Variants in SLC35A5 observed in about 807,000 individuals in gnomAD.
SLC35A5 encodes the protein solute carrier family 35 member A5, also known as UDP-sugar transporter protein SLC35A5.
SLC35A5 carries 28 observed loss-of-function variants against 36.3 expected under a neutral mutation model. That is an observed-to-expected ratio of 0.77 (90% CI 0.57 to 1.06). The LOEUF is 1.06. Among genes scored for constraint, SLC35A5 ranks in the 50% least tolerant of loss-of-function variants. The pLI is 0.00. For missense variants in SLC35A5, 521 were observed against 499.3 expected (o/e 1.04, Z -0.41); for synonymous variants, 180 against 173.7 (o/e 1.04, Z -0.29).
intron 2 of SLC35A5, among the ~76,000 whole-genome samples, chr3:112,565,633 C>G (rs1210558810): frequency 6.6e-6 from 1 of 152,146 alleles, no homozygotes; most frequent in Non-Finnish European, 1.5e-5. Context: ...AAAAAATTAG[C>G]TGGGTTTGTT....
chr3:112,580,263 A>C (rs1310861738), intron 5 of SLC35A5, among the ~76,000 whole-genome samples: 1 of 152,180 alleles, frequency 6.6e-6, no homozygotes, highest in Non-Finnish European at 1.5e-5. Flanking sequence ...ATACCTCTAG[A>C]GGTAGAAAGG....
In SLC35A5 at chr3:112,584,968, A is replaced by T. The variant is rs1291333254; in HGVS notation, c.*2232A>T. ...AATCAAATACCACATGTTCTCACTT[A>T]TAAGTGGGAGCTAAACAGTGGGTAC... On this transcript the variant is annotated 3_prime_UTR_variant, in exon 7 of 7. Transcript: ENST00000492406. 6.6e-6 allele frequency: 1 copy of T among 152,210 alleles called. No individual in the cohort carries two copies. The highest frequency in any genetic ancestry group is 1.5e-5 in the Non-Finnish European group (1 of 68,044). The allele number at this position is 152,210 out of a possible 1,614,324, so 9.4% of individuals were successfully genotyped here.
intron 5 of SLC35A5, among the ~76,000 whole-genome samples, chr3:112,579,039 A>G (rs1170079413): frequency 9.9e-5 from 15 of 152,212 alleles, no homozygotes; most frequent in Admixed American, 9.2e-4. Context: ...AATTACATAC[A>G]TATGAGAAAG....
chr3:112,571,442 A>C (rs541686827), intron 4 of SLC35A5, among the ~76,000 whole-genome samples: 1 of 152,306 alleles, frequency 6.6e-6, no homozygotes, highest in Non-Finnish European at 1.5e-5. Context: ...TTTGATTATA[A>C]ATAGGATTTC....
rs1189709332 is a variant in SLC35A5, at chr3:112,563,440, T to C, written c.37T>C (p.Ser13Pro). The change falls in exon 2 of 7, where the codon TCC becomes CCC. Residue 13 changes from serine to proline, a missense_variant. By Grantham distance (74) the Ser-to-Pro change is moderately conservative. Coordinates refer to ENST00000492406, the MANE Select transcript of SLC35A5 (RefSeq NM_017945.5). ...GTGCTGTAGTCATCCTGTAATATGCTCCTTGTCAACAATGTATACATTCCT... is the reference window on the plus strand; with the variant it reads ...GTGCTGTAGTCATCCTGTAATATGCCCCTTGTCAACAATGTATACATTCCT... ...KQCCSHPVIC[S>P]LSTMYTFLLG... 1 of 1,592,266 alleles carries C rather than the reference T, an allele frequency of 6.3e-7. No homozygotes were observed. The highest frequency in any genetic ancestry group is 8.6e-7 in the Non-Finnish European group (1 of 1,163,252).
chr3:112,578,864 A>C (rs1934774180), intron 5 of SLC35A5, among the ~76,000 whole-genome samples: 1 of 152,074 alleles, frequency 6.6e-6, no homozygotes, highest in African/African-American at 2.4e-5. Context: ...TTTTTTGTAA[A>C]ATGGACACCC....
chr3:112,575,028 G>A (rs1490207883), intron 5 of SLC35A5, among the ~76,000 whole-genome samples: 2 of 152,044 alleles, frequency 1.3e-5, no homozygotes, highest in Non-Finnish European at 2.9e-5. Flanking sequence ...AAAACATTTT[G>A]AAGTCTTTGA....
chr3:112,568,179 A>C (rs557313850), intron 2 of SLC35A5, among the ~76,000 whole-genome samples: 1 of 152,188 alleles, frequency 6.6e-6, no homozygotes, highest in South Asian at 2.1e-4. Context: ...GTGCTATAAG[A>C]ACAGAGATGA....
Position 112,563,413 on chromosome 3 carries a change from C to G in SLC35A5, c.10C>G (p.Gln4Glu). 1 of 1,518,920 alleles carries G rather than the reference C, an allele frequency of 6.6e-7. No homozygotes were observed. Among genetic ancestry groups the G allele is most frequent in the Non-Finnish European group, 8.9e-7 (1 of 1,117,908 alleles). 94.1% of individuals were successfully genotyped at this position (1,518,920 alleles called of 1,614,324 possible). ...ATTAAAAAACAGTGGAATGGAAAAA[C>G]AGTGCTGTAGTCATCCTGTAATATG... MEK[Q>E]CCSHPVICSL... is the part of the protein sequence containing the mutation. The change falls in exon 2 of 7, where the codon CAG (glutamine) becomes GAG (glutamate). Residue 4 changes from glutamine to glutamate, a missense_variant. Transcript: ENST00000492406.
Position 112,563,517 on chromosome 3 carries a change from G to T in SLC35A5, c.114G>T (p.Lys38Asn). The change falls in exon 2 of 7, where the codon AAG (lysine) becomes AAT (asparagine). Residue 38 changes from lysine (K) to asparagine (N), a missense_variant. Transcript: ENST00000492406. ...ALSSSRILLV[K>N]YSANEENKYD... ...GCTCAAGTCGCATCTTACTAGTGAA[G>T]TATTCTGCCAATGAAGGTAAGTTAA... 1 of 1,603,044 alleles carries T rather than the reference G, an allele frequency of 6.2e-7. No homozygotes were observed. Among genetic ancestry groups the T allele is most frequent in the Non-Finnish European group, 8.5e-7 (1 of 1,171,700 alleles).
intron 4 of SLC35A5, among the ~76,000 whole-genome samples, chr3:112,572,226 G>A (rs1187849497): frequency 6.6e-6 from 1 of 151,672 alleles, no homozygotes; most frequent in East Asian, 1.9e-4. Context: ...ACAGGCGTGA[G>A]CCACCGTGCC....
At position 112,582,944 on chromosome 3, in the gene SLC35A5, A is replaced by G. The variant is rs1031028907; in HGVS notation, c.*208A>G. ...CTAAAGAACTGATACAGGAGTAACA[A>G]TATGAAGAATTCATTAATATCTCAG... On this transcript the variant is annotated 3_prime_UTR_variant, in exon 7 of 7. Coordinates refer to ENST00000492406, the MANE Select transcript of SLC35A5 (RefSeq NM_017945.5). 3.9e-6 allele frequency: 2 copies of G among 509,238 alleles called. No homozygotes were observed. The highest frequency in any genetic ancestry group is 3.0e-5 in the East Asian group (1 of 33,100). The allele number at this position is 509,238 out of a possible 1,614,324, so 31.5% of individuals were successfully genotyped here.
At chr3:112,573,650 T>A (rs1043821402) in intron 4 of SLC35A5, among the ~76,000 whole-genome samples, 5 of 152,236 alleles carry the variant, frequency 3.3e-5, no homozygotes, top group Non-Finnish European at 7.3e-5. Flanking sequence ...TATAAGTAAT[T>A]TCAGATCTGT....
intron 3 of SLC35A5, 31 bp from the exon 4 acceptor site, chr3:112,570,509 C>T: frequency 1.9e-6 from 3 of 1,585,120 alleles, no homozygotes; most frequent in Non-Finnish European, 2.6e-6. Flanking sequence ...GCATTCTCAT[C>T]AAGGTCATTT....
chr3:112,571,340 A>G (rs765396928), intron 4 of SLC35A5, among the ~76,000 whole-genome samples: 4 of 152,206 alleles, frequency 2.6e-5, no homozygotes, highest in Non-Finnish European at 4.4e-5. Flanking sequence ...GGTCACATGT[A>G]TATTTCCCTT....
chr3:112,578,673 G>A (rs3773706), intron 5 of SLC35A5, among the ~76,000 whole-genome samples: 10,181 of 151,928 alleles, frequency 0.067, 425 homozygotes, highest in Admixed American at 0.12. Flanking sequence ...TAAATTTTAC[G>A]TTCCTTAGAG....
chr3:112,582,702 C>G lies in SLC35A5; in HGVS notation c.1241C>G (p.Pro414Arg), dbSNP rs770724842. The change falls in exon 7 of 7, where the codon CCC becomes CGC. Residue 414 changes from proline (P) to arginine (R), a missense_variant. Coordinates refer to ENST00000492406, the MANE Select transcript of SLC35A5 (RefSeq NM_017945.5). ...DGEELERLTK[P>R]KSDESDEDTF ...GAAGAACTAGAAAGACTTACCAAACCCAAGAGTGATGAGTCAGATGAAGAT... is the reference window on the plus strand; with the variant it reads ...GAAGAACTAGAAAGACTTACCAAACGCAAGAGTGATGAGTCAGATGAAGAT... The G allele has an allele frequency of 6.2e-7, 1 of 1,612,452 alleles. No homozygotes were observed. The highest frequency in any genetic ancestry group is 1.1e-5 in the South Asian group (1 of 90,938).
chr3:112,579,937 A>G (rs1934829250), intron 5 of SLC35A5, among the ~76,000 whole-genome samples: 1 of 152,208 alleles, frequency 6.6e-6, no homozygotes, highest in African/African-American at 2.4e-5. Context: ...TAAACAAAGG[A>G]TTGTTAGGAC....
In SLC35A5 at chr3:112,580,692, G is replaced by T. The variant is rs1371833928; in HGVS notation, c.575G>T (p.Cys192Phe). ...HDAFFSPSNS[C>F]LLFRSECPRK... ...GCCTTTTTCAGCCCTTCCAATTCCT[G>T]CCTTCTTTTCAGAAGTGAGTGTCCC... The change falls in exon 6 of 7, where the codon TGC becomes TTC. Residue 192 changes from cysteine to phenylalanine, a missense_variant. By Grantham distance (205) the Cys-to-Phe change is radical. Transcript: ENST00000492406. 6.2e-7 allele frequency: 1 copy of T among 1,614,080 alleles called. No individual in the cohort carries two copies. Among genetic ancestry groups the T allele is most frequent in the Non-Finnish European group, 8.5e-7 (1 of 1,179,974 alleles).
Sources: gnomAD v4.1 joint callset for allele counts (sites outside exome capture counted in the v4.1 genomes callset) on GRCh38, gnomAD v4.1.1 for gene constraint, MANE v1.5 for transcripts, NCBI Gene and HGNC (gene_info 2026-07-23, HGNC 2026-07-21) for gene names.